The following CSTPP1 variants were observed in gnomAD, a reference collection of about 807,000 sequenced individuals.
CSTPP1 encodes the protein centriolar satellite-associated tubulin polyglutamylase complex regulator 1.
At chr11:47,039,103 C>T in the CSTPP1 span, among the ~76,000 whole-genome samples, 1 of 126,778 alleles carries the variant, frequency 7.9e-6, no homozygotes, top group Admixed American at 8.4e-5. Flanking sequence ...GACGGGGTGG[C>T]GGCCGGGCAG....
chr11:46,956,309 G>C, the CSTPP1 span, among the ~76,000 whole-genome samples: 389 of 152,350 alleles, frequency 2.6e-3, 4 homozygotes, highest in African/African-American at 8.9e-3. Flanking sequence ...TAATGTTTCA[G>C]ATCTTTTTGC....
chr11:46,997,332 T>C, the CSTPP1 span, among the ~76,000 whole-genome samples: 1 of 152,238 alleles, frequency 6.6e-6, no homozygotes, highest in Non-Finnish European at 1.5e-5. Flanking sequence ...TACCCTTTTT[T>C]CCAGTTGATC....
chr11:47,118,856 A>G, the CSTPP1 span, among the ~76,000 whole-genome samples: 63 of 152,240 alleles, frequency 4.1e-4, 1 homozygote, highest in Admixed American at 3.0e-3. Flanking sequence ...CCACCTATAT[A>G]TGAGGTGTCT....
chr11:47,157,610 C>A, the CSTPP1 span, among the ~76,000 whole-genome samples: 3 of 152,014 alleles, frequency 2.0e-5, no homozygotes, highest in African/African-American at 7.2e-5. Context: ...TTTCCCACCC[C>A]CACTCCCCAC....
the CSTPP1 span, among the ~76,000 whole-genome samples, chr11:47,157,623 C>G: frequency 6.6e-6 from 1 of 151,990 alleles, no homozygotes; most frequent in Non-Finnish European, 1.5e-5. Flanking sequence ...CTCCCCACCC[C>G]GGTGAAAGCA....
chr11:47,059,875 C>T, the CSTPP1 span, among the ~76,000 whole-genome samples: 1 of 152,092 alleles, frequency 6.6e-6, no homozygotes, highest in Non-Finnish European at 1.5e-5. Flanking sequence ...GAGCCCGAGG[C>T]AGGTGGATCC....
the CSTPP1 span, among the ~76,000 whole-genome samples, chr11:47,081,234 AT>A: frequency 6.6e-6 from 1 of 152,072 alleles, no homozygotes; most frequent in East Asian, 1.9e-4. Context: ...TTATTTGCTT[AT>A]TTTTTTGAGA....
chr11:47,090,368 A>C, the CSTPP1 span, among the ~76,000 whole-genome samples: 1 of 152,252 alleles, frequency 6.6e-6, no homozygotes, highest in East Asian at 1.9e-4. Flanking sequence ...TGATAAACAA[A>C]AGGTGACTGA....
the CSTPP1 span, among the ~76,000 whole-genome samples, chr11:46,961,025 C>CT: frequency 6.6e-6 from 1 of 152,140 alleles, no homozygotes; most frequent in South Asian, 2.1e-4. Context: ...GAAAATACTG[C>CT]TGTGAACATC....
At chr11:47,061,370 T>A in the CSTPP1 span, among the ~76,000 whole-genome samples, 1 of 152,202 alleles carries the variant, frequency 6.6e-6, no homozygotes, top group Non-Finnish European at 1.5e-5. Flanking sequence ...ATCTATTGTT[T>A]ATGGTGGACA....
At chr11:47,101,362 T>C in the CSTPP1 span, among the ~76,000 whole-genome samples, 3 of 151,272 alleles carry the variant, frequency 2.0e-5, no homozygotes, top group Admixed American at 2.0e-4. Flanking sequence ...CCCTTTTAGG[T>C]AGTATTTTTT....
chr11:47,157,294 AG>A, the CSTPP1 span: 1 of 1,461,532 alleles, frequency 6.8e-7, no homozygotes, highest in Non-Finnish European at 9.1e-7. Flanking sequence ...AGAGCTCCGC[AG>A]GATGTTCTGC....
At chr11:47,068,394 C>T in the CSTPP1 span, among the ~76,000 whole-genome samples, 4 of 151,850 alleles carry the variant, frequency 2.6e-5, no homozygotes, top group Admixed American at 2.0e-4. Context: ...TAGTGAAGCA[C>T]GGTGGCGCGC....
chr11:46,987,492 T>TC, the CSTPP1 span: 5 of 587,322 alleles, frequency 8.5e-6, no homozygotes, highest in Non-Finnish European at 1.5e-5. Flanking sequence ...TGCAGCTAGT[T>TC]TGTCCAGTGA....
chr11:47,056,122 C>A, the CSTPP1 span, among the ~76,000 whole-genome samples: 1 of 152,144 alleles, frequency 6.6e-6, no homozygotes, highest in African/African-American at 2.4e-5. Context: ...TAATCAAGGC[C>A]TACATTAGTC....
At chr11:47,065,144 G>T in the CSTPP1 span, among the ~76,000 whole-genome samples, 22 of 151,918 alleles carry the variant, frequency 1.4e-4, no homozygotes, top group Admixed American at 2.6e-4. Flanking sequence ...TTTATGAATG[G>T]TTTTTTCTAT....
chr11:47,155,896 GTC>G, the CSTPP1 span: 1 of 152,568 alleles, frequency 6.6e-6, no homozygotes, highest in Admixed American at 6.5e-5. Context: ...GCACCCTTAA[GTC>G]TCTCTGGAAT....
the CSTPP1 span, among the ~76,000 whole-genome samples, chr11:47,089,041 C>T: frequency 0.078 from 11,931 of 152,162 alleles, 487 homozygotes; most frequent in Non-Finnish European, 0.09. Flanking sequence ...ACTTGTCTTT[C>T]TGAGTGTCCT....
chr11:47,059,579 G>A, the CSTPP1 span, among the ~76,000 whole-genome samples: 3 of 152,308 alleles, frequency 2.0e-5, no homozygotes, highest in East Asian at 1.9e-4. Context: ...CAGGGAACAC[G>A]ATTTCTGAAA....
Sources: gnomAD v4.1 joint callset for allele counts (sites outside exome capture counted in the v4.1 genomes callset) on GRCh38, gnomAD v4.1.1 for gene constraint, MANE v1.5 for transcripts, NCBI Gene and HGNC (gene_info 2026-07-23, HGNC 2026-07-21) for gene names.